ERC1: variants seen among roughly 807,000 people sequenced by gnomAD.
ERC1 encodes ELKS/RAB6-interacting/CAST family member 1, also known as RAB6 interacting protein 2.
Under a neutral mutation model 132.0 loss-of-function variants are expected in ERC1, and 56 were observed. That is an observed-to-expected ratio of 0.42 (90% CI 0.34 to 0.53). ERC1 has a LOEUF of 0.53. Ranked by LOEUF, ERC1 falls within the 20% of genes least tolerant of loss-of-function variation. The pLI, the probability that ERC1 is intolerant of heterozygous loss-of-function variation, is 0.03. For missense variants in ERC1, 1,202 were observed against 1,349.9 expected (o/e 0.89, Z 1.72); for synonymous variants, 478 against 476.1 (o/e 1.00, Z -0.05).
chr12:1,148,513 T>A (rs1018264072), intron 8 of ERC1, among the ~76,000 whole-genome samples: 15 of 152,216 alleles, frequency 9.9e-5, no homozygotes, highest in Non-Finnish European at 1.6e-4. Context: ...ATTCATCATG[T>A]TACAAACTTT....
At position 1,154,309 on chromosome 12, in the gene ERC1, A is replaced by ATG. The variant is rs1285062316; in HGVS notation, c.1737+12532_1737+12533dup. On this transcript the variant is annotated intron_variant, in intron 8 of 18. Transcript: ENST00000360905. ...TATATACACACACACGTGCATATAT[A>ATG]TGTGTGTGTGTATATATATATACAC... Among the ~76,000 whole-genome samples the ATG allele has an allele frequency of 5.7e-3, 851 of 148,544 alleles. 10 individuals are homozygous for ATG. The highest frequency in any genetic ancestry group is 0.02 in the African/African-American group (792 of 39,970).
chr12:1,251,416 C>A (rs1418297638), intron 13 of ERC1, among the ~76,000 whole-genome samples: 1 of 151,922 alleles, frequency 6.6e-6, no homozygotes, highest in African/African-American at 2.4e-5. Context: ...TAAAACAGGG[C>A]TTTTTCTATA....
chr12:1,051,529 C>CAAAA (rs35353366), intron 2 of ERC1, among the ~76,000 whole-genome samples: 1 of 127,704 alleles, frequency 7.8e-6, no homozygotes, highest in African/African-American at 3.3e-5. Flanking sequence ...GTCTCTACCC[C>CAAAA]AAAAAAAAAA....
At chr12:1,200,970 C>A (rs1193839268) in intron 12 of ERC1, among the ~76,000 whole-genome samples, 1 of 152,086 alleles carries the variant, frequency 6.6e-6, no homozygotes, top group African/African-American at 2.4e-5. Context: ...TTTTATATTT[C>A]TTTTATATGT....
chr12:1,371,573 CGGT>C, intron 15 of ERC1, among the ~76,000 whole-genome samples: 1 of 105,984 alleles, frequency 9.4e-6, no homozygotes, highest in South Asian at 3.3e-4. Context: ...CTCAAAATGG[CGGT>C]ACTGATAATA....
At chr12:1,410,067 T>C (rs1361605191) in intron 17 of ERC1, among the ~76,000 whole-genome samples, 1 of 152,198 alleles carries the variant, frequency 6.6e-6, no homozygotes, top group Non-Finnish European at 1.5e-5. Context: ...ATGTAAATAC[T>C]GTGTAAATAG....
At chr12:1,249,911 A>G (rs989068381) in intron 13 of ERC1, among the ~76,000 whole-genome samples, 1 of 152,180 alleles carries the variant, frequency 6.6e-6, no homozygotes, top group African/African-American at 2.4e-5. Flanking sequence ...TTATAAGGGC[A>G]TTTAATGCCA....
intron 17 of ERC1, among the ~76,000 whole-genome samples, chr12:1,438,654 C>A (rs1424414954): frequency 6.6e-6 from 1 of 152,102 alleles, no homozygotes; most frequent in African/African-American, 2.4e-5. Context: ...AAAATGGCAT[C>A]TTTCGGGCTG....
At chr12:1,418,661 CTTTCTTT>C (rs1415930966) in intron 17 of ERC1, among the ~76,000 whole-genome samples, 36 of 100,684 alleles carry the variant, frequency 3.6e-4, no homozygotes, top group African/African-American at 1.4e-3. Context: ...CTCTCTCTCT[CTTTCTTT>C]TCTTTCTTTC....
At chr12:1,211,346 C>T (rs1375823160) in intron 12 of ERC1, among the ~76,000 whole-genome samples, 2 of 152,000 alleles carry the variant, frequency 1.3e-5, no homozygotes, top group African/African-American at 2.4e-5. Flanking sequence ...CAGGGTTTCT[C>T]CATTGTTGGT....
chr12:1,263,121 G>A lies in ERC1; in HGVS notation c.2575G>A (p.Val859Met), dbSNP rs755774875. 1 of 1,614,092 alleles carries A rather than the reference G, an allele frequency of 6.2e-7. No individual in the cohort carries two copies. The highest frequency in any genetic ancestry group is 1.1e-5 in the South Asian group (1 of 91,080). Reference protein sequence around the residue: ...SVQITAEREMVLAQEESARTN... With the variant: ...SVQITAEREMMLAQEESARTN... Reference sequence around the variant, plus strand: ...ACAGATAACTGCAGAGCGGGAAATGGTGCTAGCACAAGAGGAATCAGCCAG... The same window carrying A: ...ACAGATAACTGCAGAGCGGGAAATGATGCTAGCACAAGAGGAATCAGCCAG... The change falls in exon 14 of 19, where the codon GTG becomes ATG. Residue 859 changes from valine (V) to methionine (M), a missense_variant. Transcript: ENST00000360905.
intron 8 of ERC1, among the ~76,000 whole-genome samples, chr12:1,167,907 G>A: frequency 6.6e-6 from 1 of 151,622 alleles, no homozygotes; most frequent in Non-Finnish European, 1.5e-5. Flanking sequence ...CTGCAGACGG[G>A]GTTTCAGCAT....
chr12:1,484,863 G>A (rs1038160621), intron 18 of ERC1, among the ~76,000 whole-genome samples: 1 of 150,712 alleles, frequency 6.6e-6, no homozygotes, highest in Non-Finnish European at 1.5e-5. Flanking sequence ...GATTACAGGC[G>A]TGAGCCACCG....
intron 17 of ERC1, among the ~76,000 whole-genome samples, chr12:1,408,677 ACT>A (rs2091660636): frequency 6.6e-6 from 1 of 152,104 alleles, no homozygotes; most frequent in Non-Finnish European, 1.5e-5. Flanking sequence ...CAAATTATGA[ACT>A]CTCTGCTCAT....
At chr12:1,368,795 C>T (rs571627849) in intron 15 of ERC1, among the ~76,000 whole-genome samples, 1 of 152,262 alleles carries the variant, frequency 6.6e-6, no homozygotes, top group African/African-American at 2.4e-5. Context: ...AACCTAAAAG[C>T]TAGTATACCT....
chr12:1,033,470 C>CT (rs1053660743), intron 2 of ERC1, among the ~76,000 whole-genome samples: 2,067 of 140,244 alleles, frequency 0.015, 41 homozygotes, highest in African/African-American at 0.05. Context: ...CGCACCCAGC[C>CT]TTTTTTTTTT....
At chr12:1,185,256 G>A (rs911622313) in intron 11 of ERC1, among the ~76,000 whole-genome samples, 3 of 151,870 alleles carry the variant, frequency 2.0e-5, no homozygotes, top group Non-Finnish European at 2.9e-5. Context: ...GCCTAGGCTG[G>A]TCTCAAACCC....
At chr12:1,312,451 C>A (rs529234156) in intron 15 of ERC1, among the ~76,000 whole-genome samples, 3 of 152,086 alleles carry the variant, frequency 2.0e-5, no homozygotes, top group Non-Finnish European at 2.9e-5. Context: ...AACCACCTCC[C>A]GGGTTTGAGT....
rs1555139790 is a variant in ERC1 at position 1,493,548 on chromosome 12, AATATATATATATATATATATATATATAT to A, written c.*3321_*3348del. 2 of 13,618 alleles carry A rather than the reference AATATATATATATATATATATATATATAT, an allele frequency of 1.5e-4. No individual in the cohort carries two copies. The highest frequency in any genetic ancestry group is 4.4e-4 in the African/African-American group (2 of 4,554). The allele number at this position is 13,618 out of a possible 1,614,324, so 0.8% of individuals were successfully genotyped here. On this transcript the variant is annotated 3_prime_UTR_variant, in exon 19 of 19. Transcript: ENST00000360905. The stretch of plus-strand genomic sequence containing the variant: ...ACTCCATTTAAAAAAAAAAAAAAAA[AATATATATATATATATATATATATATAT>A]ATGGATGGGAATCACCAAATTCATC...
Sources: allele counts gnomAD v4.1 joint callset (sites outside exome capture counted in the v4.1 genomes callset), GRCh38; gene constraint gnomAD v4.1.1; transcripts MANE v1.5; gene names NCBI Gene and HGNC (gene_info 2026-07-23, HGNC 2026-07-21).